The following NCAM2 variants were observed in gnomAD, a reference collection of about 807,000 sequenced individuals.
The protein encoded by NCAM2 is neural cell adhesion molecule 2, also known as N-CAM-2.
Under a neutral mutation model 98.1 loss-of-function variants are expected in NCAM2, and 30 were observed. That is an observed-to-expected ratio of 0.31 (90% CI 0.23 to 0.41). The LOEUF (loss-of-function observed/expected upper bound fraction) is 0.41, where lower values mean the gene tolerates loss of function less well. Ranked by LOEUF, NCAM2 falls within the 10% of genes least tolerant of loss-of-function variation. NCAM2 has a pLI of 1.00. For missense variants in NCAM2, 867 were observed against 1,005.8 expected, an observed-to-expected ratio of 0.86 and a Z score of 1.87; for synonymous variants, 368 against 342.4, an observed-to-expected ratio of 1.07 and a Z score of -0.83.
intron 1 of NCAM2, among the ~76,000 whole-genome samples, chr21:21,208,884 C>A (rs2069541512): frequency 1.3e-5 from 2 of 151,870 alleles, no homozygotes; most frequent in South Asian, 2.1e-4. Flanking sequence ...TCTTCTTTTT[C>A]TTTGTTCTAT....
At chr21:21,043,734 A>G (rs940208081) in intron 1 of NCAM2, among the ~76,000 whole-genome samples, 4 of 151,566 alleles carry the variant, frequency 2.6e-5, no homozygotes, top group African/African-American at 9.7e-5. Context: ...GGGCGCCTGT[A>G]GTCCCAGCTA....
intron 11 of NCAM2, among the ~76,000 whole-genome samples, chr21:21,420,357 A>G (rs567395523): frequency 6.6e-6 from 1 of 152,122 alleles, no homozygotes; most frequent in East Asian, 1.9e-4. Flanking sequence ...AAAATTTGCC[A>G]TTATGTTTTA....
chr21:21,295,195 C>T (rs1432957422), intron 5 of NCAM2, among the ~76,000 whole-genome samples: 3 of 151,270 alleles, frequency 2.0e-5, no homozygotes, highest in East Asian at 3.9e-4. Flanking sequence ...CTTTATTCTA[C>T]GTTTTGTTCT....
At chr21:21,254,715 A>G (rs1414518765) in intron 1 of NCAM2, among the ~76,000 whole-genome samples, 2 of 152,162 alleles carry the variant, frequency 1.3e-5, no homozygotes, top group Non-Finnish European at 2.9e-5. Context: ...GGAACAGGAT[A>G]CTTCTAAAGC....
At chr21:21,467,205 A>G (rs1983795781) in intron 13 of NCAM2, among the ~76,000 whole-genome samples, 1 of 151,872 alleles carries the variant, frequency 6.6e-6, no homozygotes, top group Non-Finnish European at 1.5e-5. Context: ...TCTGATAACT[A>G]TCATATTTTG....
chr21:21,273,535 A>AAT (rs569680024), intron 1 of NCAM2, among the ~76,000 whole-genome samples: 3 of 152,230 alleles, frequency 2.0e-5, no homozygotes, highest in African/African-American at 7.2e-5. Context: ...TCTTAAGTAA[A>AAT]ATAAAAATGA....
intron 1 of NCAM2, among the ~76,000 whole-genome samples, chr21:21,258,493 T>C (rs1435194006): frequency 6.6e-6 from 1 of 151,774 alleles, no homozygotes; most frequent in Admixed American, 6.6e-5. Flanking sequence ...ACAGAAAGGG[T>C]AAGTGGGAGA....
chr21:21,018,662 T>C (rs1944358627), intron 1 of NCAM2, among the ~76,000 whole-genome samples: 1 of 152,222 alleles, frequency 6.6e-6, no homozygotes, highest in Non-Finnish European at 1.5e-5. Context: ...ACAGATTTCA[T>C]TTGTGTAAAG....
intron 12 of NCAM2, among the ~76,000 whole-genome samples, chr21:21,447,965 C>A (rs1401471796): frequency 1.3e-5 from 2 of 152,026 alleles, no homozygotes; most frequent in Admixed American, 6.6e-5. Context: ...ATTAGTTCAA[C>A]CATCATGGAA....
intron 1 of NCAM2, among the ~76,000 whole-genome samples, chr21:21,037,508 A>G (rs1045106190): frequency 1.3e-5 from 2 of 152,172 alleles, no homozygotes; most frequent in Non-Finnish European, 2.9e-5. Flanking sequence ...TTGATTATTC[A>G]CTTAAAAGTA....
intron 1 of NCAM2, among the ~76,000 whole-genome samples, chr21:21,170,836 G>C (rs182777385): frequency 1.6e-5 from 1 of 63,106 alleles, no homozygotes; most frequent in South Asian, 3.7e-4. Flanking sequence ...GTTCCTAGAG[G>C]GGGGAAGGCT....
intron 1 of NCAM2, among the ~76,000 whole-genome samples, chr21:21,185,268 G>A (rs997344303): frequency 7.9e-5 from 12 of 152,090 alleles, no homozygotes; most frequent in Admixed American, 7.9e-4. Context: ...TGTTGTAGAT[G>A]TCATTTTTGT....
At chr21:21,212,129 G>A (rs1462034688) in intron 1 of NCAM2, among the ~76,000 whole-genome samples, 1 of 152,152 alleles carries the variant, frequency 6.6e-6, no homozygotes, top group Non-Finnish European at 1.5e-5. Flanking sequence ...AGGTTTATTT[G>A]TAATAGCCAA....
At chr21:21,193,754 A>G (rs1284435020) in intron 1 of NCAM2, among the ~76,000 whole-genome samples, 1 of 152,058 alleles carries the variant, frequency 6.6e-6, no homozygotes. Context: ...TCGGCCTCCC[A>G]AAGTGCTGGG....
At chr21:21,396,563 C>T (rs1032165807) in intron 9 of NCAM2, among the ~76,000 whole-genome samples, 6 of 152,090 alleles carry the variant, frequency 3.9e-5, no homozygotes, top group Admixed American at 2.0e-4. Context: ...ATCCCATACC[C>T]GCCAAGGGTG....
chr21:21,440,308 A>G (rs1415932019), intron 12 of NCAM2, among the ~76,000 whole-genome samples: 1 of 152,170 alleles, frequency 6.6e-6, no homozygotes, highest in Non-Finnish European at 1.5e-5. Context: ...TATCATGGGT[A>G]TATTAGTAGT....
intron 1 of NCAM2, among the ~76,000 whole-genome samples, chr21:21,216,209 C>G (rs1480463267): frequency 6.6e-6 from 1 of 152,050 alleles, no homozygotes; most frequent in Admixed American, 6.6e-5. Context: ...AATCCCAGAC[C>G]CTTAATTAGC....
chr21:21,314,479 G>A (rs2074156327), intron 5 of NCAM2, among the ~76,000 whole-genome samples: 1 of 152,006 alleles, frequency 6.6e-6, no homozygotes. Context: ...GGTTTTTCTT[G>A]GGTTCGATGC....
intron 1 of NCAM2, among the ~76,000 whole-genome samples, chr21:21,185,821 A>T (rs1309313957): frequency 2.6e-5 from 4 of 152,198 alleles, no homozygotes. Context: ...AATATGCATA[A>T]AAGTGGGTAA....
Sources: gnomAD v4.1 joint callset for allele counts (sites outside exome capture counted in the v4.1 genomes callset) on GRCh38, gnomAD v4.1.1 for gene constraint, MANE v1.5 for transcripts, NCBI Gene and HGNC (gene_info 2026-07-23, HGNC 2026-07-21) for gene names.